The following TPO variants were observed in gnomAD, a reference collection of about 807,000 sequenced individuals.
TPO encodes thyroid peroxidase.
Under a neutral mutation model 96.9 loss-of-function variants are expected in TPO, and 78 were observed. That is an observed-to-expected ratio of 0.81 (90% CI 0.67 to 0.97). The LOEUF is 0.97. Ranked by LOEUF, TPO falls within the 50% of genes least tolerant of loss-of-function variation. The pLI, the probability that TPO is intolerant of heterozygous loss-of-function variation, is 0.00. For synonymous variants in TPO, 547 were observed against 538.0 expected, an observed-to-expected ratio of 1.02 and a Z score of -0.23; for missense variants, 1,252 against 1,274.8, an observed-to-expected ratio of 0.98 and a Z score of 0.27.
intron 6 of TPO, among the ~76,000 whole-genome samples, chr2:1,454,072 C>T (rs559160905): frequency 1.2e-4 from 18 of 152,296 alleles, no homozygotes; most frequent in African/African-American, 3.8e-4. Flanking sequence ...TCAACCCTAA[C>T]GTTTCTGTTC....
Position 1,515,655 on chromosome 2 carries a change from C to T in TPO, c.2519-1228C>T, listed in dbSNP as rs536415946. Among the ~76,000 whole-genome samples, 23 of 152,196 alleles carry T rather than the reference C, an allele frequency of 1.5e-4. No individual in the cohort carries two copies. In the East Asian group the frequency reaches 3.9e-3, roughly 26 times the overall value. The stretch of plus-strand genomic sequence containing the variant: ...GACAGCCATGGACACGACCTGTGTC[C>T]GGGCTGCAAATGAGACACACCTGCA... On this transcript the variant is annotated intron_variant, in intron 14 of 16. Transcript: ENST00000329066.
At chr2:1,463,802 C>T (rs1668655837) in intron 7 of TPO, among the ~76,000 whole-genome samples, 1 of 152,186 alleles carries the variant, frequency 6.6e-6, no homozygotes. Context: ...GTATCGACAA[C>T]CTCAAAGCTA....
At position 1,418,991 on chromosome 2, in the gene TPO, G is replaced by A. The variant is rs1265745290; in HGVS notation, c.95-4054G>A. 2.0e-5 allele frequency among the ~76,000 whole-genome samples: 3 copies of A among 152,298 alleles called. No homozygotes were observed. In the South Asian group the frequency reaches 6.2e-4, roughly 32 times the overall value. ...ATGGTTTTGGAGAAGAAAGATTTTGGCTTTCATATATATATTTAACATAAA... is the reference window on the plus strand; with the variant it reads ...ATGGTTTTGGAGAAGAAAGATTTTGACTTTCATATATATATTTAACATAAA... On this transcript the variant is annotated intron_variant, in intron 2 of 16. Transcript: ENST00000329066.
chr2:1,445,952 T>G (rs1345773986), intron 5 of TPO, among the ~76,000 whole-genome samples: 1 of 152,202 alleles, frequency 6.6e-6, no homozygotes, highest in African/African-American at 2.4e-5. Context: ...GGTACCATGT[T>G]GGATATGGTA....
chr2:1,461,480 C>T (rs1029189767), intron 7 of TPO, among the ~76,000 whole-genome samples: 1 of 152,090 alleles, frequency 6.6e-6, no homozygotes, highest in African/African-American at 2.4e-5. Context: ...GGACTTCCAC[C>T]TGCCTCAGGG....
At chr2:1,492,749 T>C (rs1671892754) in intron 10 of TPO, among the ~76,000 whole-genome samples, 1 of 152,214 alleles carries the variant, frequency 6.6e-6, no homozygotes, top group South Asian at 2.1e-4. Context: ...CCAGGACTTC[T>C]GCTGGGAGCC....
intron 7 of TPO, among the ~76,000 whole-genome samples, chr2:1,458,317 TATAAG>T (rs1242434940): frequency 1.3e-5 from 2 of 151,928 alleles, no homozygotes; most frequent in Non-Finnish European, 2.9e-5. Flanking sequence ...GTATATAGTA[TATAAG>T]ATAATATGCG....
At chr2:1,429,469 C>T (rs987459929) in intron 3 of TPO, among the ~76,000 whole-genome samples, 1 of 152,136 alleles carries the variant, frequency 6.6e-6, no homozygotes, top group Non-Finnish European at 1.5e-5. Context: ...TATAAAGATA[C>T]CTGAAATTGT....
chr2:1,422,329 G>GCCTCTCCTGGACAGACCTCGTGCAGC (rs1663694511), intron 2 of TPO, among the ~76,000 whole-genome samples: 4 of 83,598 alleles, frequency 4.8e-5, no homozygotes, highest in African/African-American at 1.9e-4. Flanking sequence ...CCTCGTGCAG[G>GCCTCTCCTGGACAGACCTCGTGCAGC]CGCCTCTCCT....
chr2:1,528,061 G>GC (rs1677045734), intron 15 of TPO, among the ~76,000 whole-genome samples: 1 of 140,684 alleles, frequency 7.1e-6, no homozygotes, highest in African/African-American at 2.7e-5. Context: ...CCCACTGTGT[G>GC]CAACCCCCCC....
intron 11 of TPO, among the ~76,000 whole-genome samples, chr2:1,495,285 G>A (rs1672211151): frequency 6.6e-6 from 1 of 152,220 alleles, no homozygotes; most frequent in African/African-American, 2.4e-5. Flanking sequence ...GGAAGCAGAA[G>A]AGTTTTACGT....
upstream of TPO, among the ~76,000 whole-genome samples, chr2:1,409,889 G>T (rs192418160): frequency 6.6e-6 from 1 of 151,022 alleles, no homozygotes; most frequent in East Asian, 1.9e-4. Context: ...GAATCTAAAA[G>T]TGTCGAGCTC....
At chr2:1,473,710 A>T (rs1300135933) in intron 7 of TPO, among the ~76,000 whole-genome samples, 1 of 152,056 alleles carries the variant, frequency 6.6e-6, no homozygotes, top group Admixed American at 6.5e-5. Flanking sequence ...TTTGTAGATC[A>T]TGTGATTATT....
In TPO at chr2:1,518,614, T is replaced by C. The variant is rs28913028; in HGVS notation, c.2618+1632T>C. 8.2e-3 allele frequency among the ~76,000 whole-genome samples: 1,246 copies of C among 152,316 alleles called. 22 individuals are homozygous for C. Among genetic ancestry groups the C allele is most frequent in the African/African-American group, 0.028 (1,173 of 41,584 alleles). On this transcript the variant is annotated intron_variant, in intron 15 of 16. Coordinates refer to ENST00000329066, the MANE Select transcript of TPO (RefSeq NM_001206744.2). ...ATGAGCTTATGATCTATCCGGCATATGATATTTCAGTGACGTATTTCTGAG... is the reference window on the plus strand; with the variant it reads ...ATGAGCTTATGATCTATCCGGCATACGATATTTCAGTGACGTATTTCTGAG...
chr2:1,408,510 A>T (rs11685159), upstream of TPO, among the ~76,000 whole-genome samples: 1 of 151,872 alleles, frequency 6.6e-6, no homozygotes, highest in Non-Finnish European at 1.5e-5. Flanking sequence ...TGGTAATTAG[A>T]GTACGGAGTT....
intron 5 of TPO, among the ~76,000 whole-genome samples, chr2:1,442,657 G>C (rs1033784116): frequency 1.3e-5 from 2 of 152,186 alleles, no homozygotes; most frequent in African/African-American, 4.8e-5. Flanking sequence ...TTTTGAAATA[G>C]AAGACGAAAT....
At chr2:1,428,033 A>G (rs1417156211) in intron 3 of TPO, among the ~76,000 whole-genome samples, 2 of 152,216 alleles carry the variant, frequency 1.3e-5, no homozygotes, top group East Asian at 1.9e-4. Flanking sequence ...GTGGGAACAT[A>G]CATTTGATGC....
chr2:1,442,293 T>A (rs1666277420), intron 5 of TPO, among the ~76,000 whole-genome samples: 1 of 152,170 alleles, frequency 6.6e-6, no homozygotes, highest in Non-Finnish European at 1.5e-5. Context: ...AGGGTGGAAT[T>A]ACTCACGGAC....
intron 15 of TPO, among the ~76,000 whole-genome samples, chr2:1,525,429 A>AT (rs1676215587): frequency 1.1e-5 from 1 of 90,698 alleles, no homozygotes. Context: ...CACTGTGTGC[A>AT]ACCTCCCCAA....
Sources: allele counts gnomAD v4.1 joint callset (sites outside exome capture counted in the v4.1 genomes callset), GRCh38; gene constraint gnomAD v4.1.1; transcripts MANE v1.5; gene names NCBI Gene and HGNC (gene_info 2026-07-23, HGNC 2026-07-21).